Variants in RBM7 observed in about 807,000 individuals in gnomAD.
RBM7 encodes RNA binding motif protein 7, also known as RNA-binding protein 7.
RBM7 carries 13 observed loss-of-function variants against 31.0 expected under a neutral mutation model. That is an observed-to-expected ratio of 0.42 (90% CI 0.27 to 0.67). The LOEUF is 0.67. Ranked by LOEUF, RBM7 falls within the 30% of genes least tolerant of loss-of-function variation. The probability of loss-of-function intolerance (pLI) is 0.24; values close to 1 mark genes in which losing one functional copy is unlikely to be tolerated. For missense variants in RBM7, 245 were observed against 326.2 expected (o/e 0.75, Z 1.92); for synonymous variants, 106 against 111.2 (o/e 0.95, Z 0.30).
rs79339992 is a variant in RBM7, at chr11:114,407,575, G to A, written c.572G>A (p.Arg191His). The change falls in exon 5 of 5, where the codon CGC (arginine) becomes CAC (histidine). Residue 191 changes from arginine to histidine, a missense_variant. Arg to His is a conservative substitution (Grantham distance 29, BLOSUM62 0). Transcript: ENST00000375490. ...SFNQSSSSQW[R>H]QGTPSSQRKV... Reference sequence around the variant, plus strand: ...AATCAGTCTTCAAGCTCCCAGTGGCGCCAAGGTACACCATCATCACAGCGT... The same window carrying A: ...AATCAGTCTTCAAGCTCCCAGTGGCACCAAGGTACACCATCATCACAGCGT... The A allele has an allele frequency of 2.4e-5, 39 of 1,614,086 alleles. No homozygotes were observed. Among genetic ancestry groups the A allele is most frequent in the East Asian group, 4.5e-5 (2 of 44,872 alleles).
At chr11:114,405,218 C>G (rs998935803) in intron 3 of RBM7, among the ~76,000 whole-genome samples, 6 of 152,182 alleles carry the variant, frequency 3.9e-5, no homozygotes, top group Non-Finnish European at 5.9e-5. Context: ...ATATTTTAGA[C>G]TTTGCAGAAG....
chr11:114,404,293 A>G (rs555849451), intron 3 of RBM7, among the ~76,000 whole-genome samples: 18 of 152,292 alleles, frequency 1.2e-4, no homozygotes, highest in Admixed American at 1.2e-3. Context: ...TTGATAGTTT[A>G]GATTAAGGTG....
chr11:114,407,293 C>A, intron 4 of RBM7, 152 bp from the exon 5 acceptor site: 1 of 678,638 alleles, frequency 1.5e-6, no homozygotes, highest in Non-Finnish European at 2.5e-6. Flanking sequence ...TGTAGGTATA[C>A]ATTGGAATGA....
intron 2 of RBM7, among the ~76,000 whole-genome samples, chr11:114,402,443 G>T (rs1946217989): frequency 8.4e-6 from 1 of 119,734 alleles, no homozygotes; most frequent in Admixed American, 1.1e-4. Flanking sequence ...TTGCCCTGTT[G>T]CCTAGGCTGG....
intron 3 of RBM7, 76 bp downstream of exon 3, chr11:114,402,991 A>AT (rs1156609466): frequency 5.0e-6 from 6 of 1,189,502 alleles, no homozygotes; most frequent in Non-Finnish European, 6.3e-6. Context: ...ACATGAGTAA[A>AT]TAGTCTCCTT....
chr11:114,409,921 T>G lies in RBM7; in HGVS notation c.*2114T>G, dbSNP rs889111864. ...TGGTGAGACAACTCAGAAGTACAGG[T>G]TTGAGCATCCCTTATTCAAAATGCT... On this transcript the variant is annotated 3_prime_UTR_variant, in exon 5 of 5. Transcript: ENST00000375490. 2.6e-5 allele frequency: 4 copies of G among 152,108 alleles called. No homozygotes were observed. The highest frequency in any genetic ancestry group is 9.7e-5 in the African/African-American group (4 of 41,410). 9.4% of individuals were successfully genotyped at this position (152,108 alleles called of 1,614,324 possible).
intron 2 of RBM7, chr11:114,402,083 A>T (rs1175215038): frequency 6.5e-6 from 3 of 463,084 alleles, no homozygotes; most frequent in Non-Finnish European, 1.1e-5. Context: ...ATTTTGGGTT[A>T]GTGAAAAAAC....
At position 114,409,749 on chromosome 11, in the gene RBM7, T is replaced by A. The variant is rs1946314369; in HGVS notation, c.*1942T>A. 6.6e-6 allele frequency: 1 copy of A among 152,234 alleles called. No individual in the cohort carries two copies. The highest frequency in any genetic ancestry group is 1.5e-5 in the Non-Finnish European group (1 of 68,034). The allele number at this position is 152,234 out of a possible 1,614,324, so 9.4% of individuals were successfully genotyped here. A position where few individuals can be genotyped will look rare whatever the true frequency, so the allele number is the denominator to read the frequency against. ...CAGATGACCCTGACTCAGAATAATC[T>A]TTTTCAATGGCTTTTTGAGGGAAGC... On this transcript the variant is annotated 3_prime_UTR_variant, in exon 5 of 5. Transcript: ENST00000375490.
At chr11:114,401,609 T>C (rs1946202112) in intron 1 of RBM7, 89 bp from the exon 2 acceptor site, 3 of 1,114,060 alleles carry the variant, frequency 2.7e-6, no homozygotes, top group Admixed American at 3.8e-5. Flanking sequence ...GTTTCTGTTG[T>C]TTTTAAACTT....
intron 1 of RBM7, among the ~76,000 whole-genome samples, chr11:114,401,456 C>CTGT (rs781095271): frequency 6.6e-5 from 10 of 152,186 alleles, no homozygotes; most frequent in South Asian, 2.1e-4. Context: ...CCATACAGTG[C>CTGT]TGTGAATTGC....
At position 114,408,024 on chromosome 11, in the gene RBM7, T is replaced by C; in HGVS notation, c.*217T>C. 1 of 409,064 alleles carries C rather than the reference T, an allele frequency of 2.4e-6. No homozygotes were observed. Among genetic ancestry groups the C allele is most frequent in the East Asian group, 4.2e-5 (1 of 23,722 alleles). 25.3% of individuals were successfully genotyped at this position (409,064 alleles called of 1,614,324 possible). Reference sequence around the variant, plus strand: ...GGGTTTTATGAAGAGGAAAGGGTTTTATGCAAAAGAAAGTGCTACAATTCC... The same window carrying C: ...GGGTTTTATGAAGAGGAAAGGGTTTCATGCAAAAGAAAGTGCTACAATTCC... On this transcript the variant is annotated 3_prime_UTR_variant, in exon 5 of 5. Transcript: ENST00000375490.
intron 3 of RBM7, among the ~76,000 whole-genome samples, chr11:114,403,533 C>T (rs529469587): frequency 2.6e-4 from 39 of 152,192 alleles, no homozygotes; most frequent in Non-Finnish European, 4.7e-4. Flanking sequence ...ATTTTATTTG[C>T]TTTGGGGAGG....
At chr11:114,403,582 A>G (rs1319403169) in intron 3 of RBM7, among the ~76,000 whole-genome samples, 1 of 152,240 alleles carries the variant, frequency 6.6e-6, no homozygotes, top group Non-Finnish European at 1.5e-5. Flanking sequence ...CGGTATATCC[A>G]TAAAGCTATT....
At position 114,409,827 on chromosome 11, in the gene RBM7, G is replaced by A. The variant is rs1332653874; in HGVS notation, c.*2020G>A. 2 of 152,180 alleles carry A rather than the reference G, an allele frequency of 1.3e-5. No homozygotes were observed. The highest frequency in any genetic ancestry group is 4.8e-5 in the African/African-American group (2 of 41,434). 9.4% of individuals were successfully genotyped at this position (152,180 alleles called of 1,614,324 possible). On this transcript the variant is annotated 3_prime_UTR_variant, in exon 5 of 5. Coordinates refer to ENST00000375490, the MANE Select transcript of RBM7 (RefSeq NM_001286045.2). ...TCACTTCACTTTCAGTGAGCTGAAA[G>A]TAACCAAACTAAATACATGTATTGT...
chr11:114,402,387 T>TC lies in RBM7; in HGVS notation c.260-441_260-440insC. On this transcript the variant is annotated intron_variant, in intron 2 of 4. Coordinates refer to ENST00000375490, the MANE Select transcript of RBM7 (RefSeq NM_001286045.2). The stretch of plus-strand genomic sequence containing the variant: ...GTCTACAGCAGCTTGAGATTCTTTT[T>TC]TTTTTTTTTTTTTTTTTTTTTTTTT... Among the ~76,000 whole-genome samples the TC allele has an allele frequency of 3.1e-4, 6 of 19,348 alleles. No homozygotes were observed. In the African/African-American group the frequency reaches 3.7e-3, roughly 12 times the overall value. The allele number at this position is 19,348 out of a possible 152,430, so 12.7% of individuals were successfully genotyped here.
chr11:114,402,694 C>T (rs957987900), intron 2 of RBM7, 134 bp from the exon 3 acceptor site: 23 of 737,328 alleles, frequency 3.1e-5, no homozygotes, highest in East Asian at 1.9e-4. Context: ...CGTCAGCCAC[C>T]GCGCCCGGCC....
At chr11:114,401,105 G>A (rs761549781) in intron 1 of RBM7, among the ~76,000 whole-genome samples, 2 of 152,088 alleles carry the variant, frequency 1.3e-5, no homozygotes, top group Non-Finnish European at 2.9e-5. Flanking sequence ...TTCCCCTTAG[G>A]ATAATTTGTC....
intron 1 of RBM7, 46 bp downstream of exon 1, chr11:114,400,813 C>T: frequency 6.2e-7 from 1 of 1,608,714 alleles, no homozygotes; most frequent in Non-Finnish European, 8.5e-7. Context: ...TCCGTCTCGC[C>T]TAGGGCCTGG....
chr11:114,404,359 A>C (rs1946239149), intron 3 of RBM7, among the ~76,000 whole-genome samples: 1 of 152,222 alleles, frequency 6.6e-6, no homozygotes, highest in African/African-American at 2.4e-5. Flanking sequence ...AAAGTGGAAT[A>C]GTGAGCCAGC....
Sources: allele counts gnomAD v4.1 joint callset (sites outside exome capture counted in the v4.1 genomes callset), GRCh38; gene constraint gnomAD v4.1.1; transcripts MANE v1.5; gene names NCBI Gene and HGNC (gene_info 2026-07-23, HGNC 2026-07-21).